PTPRK: variants seen among roughly 807,000 people sequenced by gnomAD.
PTPRK encodes protein tyrosine phosphatase receptor type K.
PTPRK carries 75 observed loss-of-function variants against 178.0 expected under a neutral mutation model. The ratio of observed to expected loss-of-function variants is 0.42; its 90% CI spans 0.35 to 0.51. The LOEUF (loss-of-function observed/expected upper bound fraction) is 0.51, where lower values mean the gene tolerates loss of function less well. Ranked by LOEUF, PTPRK falls within the 20% of genes least tolerant of loss-of-function variation. The pLI, the probability that PTPRK is intolerant of heterozygous loss-of-function variation, is 0.02. For synonymous variants in PTPRK, 637 were observed against 620.6 expected (o/e 1.03, Z -0.39); for missense variants, 1,441 against 1,797.8 (o/e 0.80, Z 3.59).
At chr6:128,091,611 T>C (rs1038130021) in intron 7 of PTPRK, among the ~76,000 whole-genome samples, 1 of 152,190 alleles carries the variant, frequency 6.6e-6, no homozygotes, top group East Asian at 1.9e-4. Flanking sequence ...AGATTTCCCA[T>C]GAAAATACCT....
chr6:128,038,304 T>A (rs1056278902), intron 13 of PTPRK, among the ~76,000 whole-genome samples: 9 of 152,222 alleles, frequency 5.9e-5, no homozygotes, highest in African/African-American at 2.2e-4. Context: ...ATGCAAATTT[T>A]AAAAATAGCA....
At chr6:128,012,385 T>C (rs1300826096) in intron 13 of PTPRK, among the ~76,000 whole-genome samples, 5 of 151,338 alleles carry the variant, frequency 3.3e-5, no homozygotes, top group African/African-American at 1.2e-4. Context: ...CATTTTCCAT[T>C]TTCTTCAAAG....
intron 1 of PTPRK, among the ~76,000 whole-genome samples, chr6:128,399,450 T>C (rs1002319819): frequency 6.6e-6 from 1 of 152,254 alleles, no homozygotes; most frequent in African/African-American, 2.4e-5. Flanking sequence ...CTTAATATTG[T>C]CTTTTAAATA....
At chr6:128,043,643 CAA>C (rs5879874) in intron 13 of PTPRK, among the ~76,000 whole-genome samples, 117,966 of 150,388 alleles carry the variant, frequency 0.78, 47,108 homozygotes, top group South Asian at 0.95. Flanking sequence ...CTTGAAGGGG[CAA>C]AAAAAAAAGA....
intron 1 of PTPRK, among the ~76,000 whole-genome samples, chr6:128,475,054 G>A (rs571916061): frequency 6.6e-6 from 1 of 152,038 alleles, no homozygotes; most frequent in East Asian, 1.9e-4. Flanking sequence ...TGCCTTTGTG[G>A]GAAGCTAAGA....
chr6:128,007,021 AAAGT>A (rs1357289264), intron 14 of PTPRK, among the ~76,000 whole-genome samples: 2 of 150,834 alleles, frequency 1.3e-5, no homozygotes, highest in Admixed American at 6.6e-5. Flanking sequence ...ATAAGAGGCT[AAAGT>A]AATTTCCTTT....
intron 1 of PTPRK, among the ~76,000 whole-genome samples, chr6:128,493,369 T>C (rs566257408): frequency 2.2e-3 from 340 of 152,214 alleles, no homozygotes; most frequent in Middle Eastern, 6.8e-3. Flanking sequence ...AAGACCATCC[T>C]GGCTAACACA....
chr6:128,491,785 G>A (rs767770031), intron 1 of PTPRK: 2 of 518,540 alleles, frequency 3.9e-6, no homozygotes, highest in East Asian at 5.5e-5. Flanking sequence ...GTGATAGATG[G>A]CGAATGGAAT....
intron 25 of PTPRK, among the ~76,000 whole-genome samples, chr6:127,979,873 T>C (rs1188490478): frequency 3.9e-5 from 6 of 152,230 alleles, no homozygotes; most frequent in Non-Finnish European, 7.3e-5. Context: ...GATAGCTTTC[T>C]TGCTTCTTTC....
intron 27 of PTPRK, among the ~76,000 whole-genome samples, chr6:127,975,716 G>A (rs1774483392): frequency 1.3e-5 from 2 of 152,140 alleles, no homozygotes; most frequent in African/African-American, 4.8e-5. Context: ...GCTCTATACA[G>A]CCTGGGGTGC....
intron 13 of PTPRK, among the ~76,000 whole-genome samples, chr6:128,037,312 C>T (rs1413996494): frequency 6.6e-6 from 1 of 152,152 alleles, no homozygotes; most frequent in East Asian, 1.9e-4. Flanking sequence ...CCTGAGATTC[C>T]TCCACTTCCT....
intron 7 of PTPRK, among the ~76,000 whole-genome samples, chr6:128,098,118 T>G (rs1436861159): frequency 4.6e-5 from 7 of 152,196 alleles, no homozygotes; most frequent in Non-Finnish European, 1.0e-4. Context: ...AGTATATGGT[T>G]GGAAATTTTT....
At chr6:128,056,810 G>C (rs1779984754) in intron 13 of PTPRK, among the ~76,000 whole-genome samples, 1 of 152,122 alleles carries the variant, frequency 6.6e-6, no homozygotes, top group Admixed American at 6.5e-5. Context: ...GGTGTAGAAA[G>C]ATAGTAAAAG....
At chr6:128,067,863 T>G in intron 11 of PTPRK, 71 bp from the exon 12 acceptor site, 1 of 1,380,446 alleles carries the variant, frequency 7.2e-7, no homozygotes, top group Non-Finnish European at 9.6e-7. Flanking sequence ...TACTAAGATT[T>G]TTTTTAAGGG....
chr6:128,448,852 CTGTT>C lies in PTPRK; in HGVS notation c.101-51168_101-51165del, dbSNP rs138638087. Among the ~76,000 whole-genome samples the C allele has an allele frequency of 7.3e-3, 1,104 of 152,068 alleles. 4 individuals are homozygous for C. The highest frequency in any genetic ancestry group is 9.8e-3 in the Non-Finnish European group (666 of 67,956). On this transcript the variant is annotated intron_variant, in intron 1 of 29. Coordinates refer to ENST00000368226, the MANE Select transcript of PTPRK (RefSeq NM_002844.4). ...TGCCATGCCAGTTTTGTTTGTTTGT[CTGTT>C]TGTTTTTGTTTTTGTTTTTTTGAGA... is the stretch of plus-strand genomic sequence containing the variant.
chr6:128,450,043 C>A (rs1476693120), intron 1 of PTPRK, among the ~76,000 whole-genome samples: 2 of 146,318 alleles, frequency 1.4e-5, no homozygotes, highest in Admixed American at 6.9e-5. Flanking sequence ...AGGTTGGGGG[C>A]GGGGGCGGAG....
At chr6:128,506,027 T>C (rs1585007324) in intron 1 of PTPRK, among the ~76,000 whole-genome samples, 1 of 150,688 alleles carries the variant, frequency 6.6e-6, no homozygotes, top group South Asian at 2.1e-4. Flanking sequence ...AAATGTTATA[T>C]AGAATTCATA....
chr6:128,156,161 T>C (rs1256489374), intron 7 of PTPRK, among the ~76,000 whole-genome samples: 4 of 151,976 alleles, frequency 2.6e-5, no homozygotes, highest in African/African-American at 9.7e-5. Flanking sequence ...TGTCATAAAG[T>C]TGAAATTCCC....
chr6:128,330,641 C>T (rs546449628), intron 2 of PTPRK, among the ~76,000 whole-genome samples: 1 of 152,266 alleles, frequency 6.6e-6, no homozygotes, highest in East Asian at 1.9e-4. Flanking sequence ...ATGATTTCCA[C>T]ACTAGCAGCC....
Sources: gnomAD v4.1 joint callset for allele counts (sites outside exome capture counted in the v4.1 genomes callset) on GRCh38, gnomAD v4.1.1 for gene constraint, MANE v1.5 for transcripts, NCBI Gene and HGNC (gene_info 2026-07-23, HGNC 2026-07-21) for gene names.